OCA2: variants seen among roughly 807,000 people sequenced by gnomAD.
The protein encoded by OCA2 is P protein.
Under a neutral mutation model 100.2 loss-of-function variants are expected in OCA2, and 77 were observed. The observed-to-expected ratio is 0.77, with a 90% confidence interval of 0.64 to 0.93. OCA2 has a LOEUF of 0.93. OCA2 is among the 40% of genes least tolerant of loss of function. The pLI, the probability that OCA2 is intolerant of heterozygous loss-of-function variation, is 0.00. For synonymous variants in OCA2, 432 were observed against 439.2 expected, an observed-to-expected ratio of 0.98 and a Z score of 0.21; for missense variants, 1,062 against 1,089.1, an observed-to-expected ratio of 0.98 and a Z score of 0.35.
At chr15:27,955,059 G>C (rs2040173578) in intron 17 of OCA2, 99 bp downstream of exon 17, 1 of 889,730 alleles carries the variant, frequency 1.1e-6, no homozygotes, top group Non-Finnish European at 1.9e-6. Flanking sequence ...GAAATAAAAA[G>C]AGAAACGGCA....
rs182702698 is a variant in OCA2 at position 27,896,972 on chromosome 15, C to T, written c.2080-25050G>A. The stretch of plus-strand genomic sequence containing the variant: ...CTGGGGGGCCGAGGTGGGCGGATTA[C>T]GAGGTCAGGAGATCCAGATCATCCT... On this transcript the variant is annotated intron_variant, in intron 19 of 23. Coordinates refer to ENST00000354638, the MANE Select transcript of OCA2 (RefSeq NM_000275.3). Among the ~76,000 whole-genome samples the T allele has an allele frequency of 8.3e-4, 127 of 152,160 alleles. 1 individual carries two copies. Among genetic ancestry groups the T allele is most frequent in the African/African-American group, 2.8e-3 (117 of 41,518 alleles).
intron 16 of OCA2, among the ~76,000 whole-genome samples, chr15:27,956,275 G>A (rs977551186): frequency 2.0e-5 from 3 of 152,164 alleles, no homozygotes; most frequent in Admixed American, 2.0e-4. Context: ...CTTGAACCCA[G>A]GAGGCAGAGG....
At chr15:27,989,877 TA>T (rs1198800435) in intron 10 of OCA2, among the ~76,000 whole-genome samples, 2 of 152,162 alleles carry the variant, frequency 1.3e-5, no homozygotes, top group Non-Finnish European at 2.9e-5. Context: ...ATGCATTTAG[TA>T]ATAAAGTTTT....
chr15:27,810,486 C>A (rs2034032538), intron 23 of OCA2, among the ~76,000 whole-genome samples: 3 of 152,030 alleles, frequency 2.0e-5, no homozygotes, highest in African/African-American at 7.2e-5. Context: ...GCAAATGTGA[C>A]AAAAATGAAA....
At chr15:28,065,609 G>T (rs994826835) in intron 2 of OCA2, among the ~76,000 whole-genome samples, 3 of 152,042 alleles carry the variant, frequency 2.0e-5, no homozygotes, top group Non-Finnish European at 4.4e-5. Context: ...GTTTCTGGGG[G>T]TCGAATAAGA....
chr15:27,980,776 A>G lies in OCA2; in HGVS notation c.1503+2569T>C, dbSNP rs549561842. On this transcript the variant is annotated intron_variant, in intron 14 of 23. Transcript: ENST00000354638. ...CTTTATCTCTGTTTCCTCGCCTGTA[A>G]CATGTCTTTTTCTTTGGAAACTAAG... 3.3e-3 allele frequency among the ~76,000 whole-genome samples: 505 copies of G among 152,300 alleles called. 5 individuals carry two copies. Among genetic ancestry groups the G allele is most frequent in the African/African-American group, 0.012 (483 of 41,558 alleles).
chr15:27,772,739 G>A (rs1221266352), intron 23 of OCA2, among the ~76,000 whole-genome samples: 1 of 151,862 alleles, frequency 6.6e-6, no homozygotes, highest in Non-Finnish European at 1.5e-5. Flanking sequence ...TCCTTGGGAG[G>A]CTGAGGCAGG....
At chr15:27,967,954 T>G (rs1407048025) in intron 14 of OCA2, among the ~76,000 whole-genome samples, 2 of 151,652 alleles carry the variant, frequency 1.3e-5, no homozygotes, top group Non-Finnish European at 2.9e-5. Context: ...GTTCTTTCAC[T>G]GACGTCCTGG....
chr15:28,089,013 A>C (rs919545403), intron 1 of OCA2, among the ~76,000 whole-genome samples: 36 of 152,174 alleles, frequency 2.4e-4, no homozygotes, highest in African/African-American at 8.0e-4. Flanking sequence ...GACGTCCCCA[A>C]AGTGGCCATT....
chr15:27,780,591 C>T (rs552863634), intron 23 of OCA2, among the ~76,000 whole-genome samples: 17 of 152,240 alleles, frequency 1.1e-4, no homozygotes, highest in Non-Finnish European at 2.4e-4. Flanking sequence ...TTGAGAACAC[C>T]GACTAAAGAG....
chr15:27,721,962 C>A, the OCA2 span, among the ~76,000 whole-genome samples: 2 of 152,196 alleles, frequency 1.3e-5, no homozygotes. Context: ...ACTGATATTT[C>A]TTCTAAAATT....
At chr15:27,983,753 G>T (rs2041249863) in intron 13 of OCA2, among the ~76,000 whole-genome samples, 1 of 151,922 alleles carries the variant, frequency 6.6e-6, no homozygotes, top group Non-Finnish European at 1.5e-5. Context: ...AATGCTCCCA[G>T]GTCTGGAGGG....
intron 19 of OCA2, among the ~76,000 whole-genome samples, chr15:27,875,677 T>C (rs2036761573): frequency 6.6e-6 from 1 of 152,126 alleles, no homozygotes; most frequent in Non-Finnish European, 1.5e-5. Flanking sequence ...TTAGATCTTT[T>C]ACAAAAATTT....
intron 2 of OCA2, among the ~76,000 whole-genome samples, chr15:28,073,926 G>C (rs1438784922): frequency 3.3e-5 from 5 of 152,034 alleles, no homozygotes; most frequent in African/African-American, 1.2e-4. Flanking sequence ...CGGAATCTGA[G>C]ATTACGATGG....
chr15:27,775,119 TAAG>T (rs2032130824), intron 23 of OCA2, among the ~76,000 whole-genome samples: 1 of 151,474 alleles, frequency 6.6e-6, no homozygotes, highest in Admixed American at 6.6e-5. Flanking sequence ...TGTTTGTTAA[TAAG>T]AAGCTGGGCC....
At chr15:27,856,701 A>AAC (rs34330347) in intron 21 of OCA2, among the ~76,000 whole-genome samples, 6,021 of 145,748 alleles carry the variant, frequency 0.041, 118 homozygotes, top group African/African-American at 0.057. Context: ...ACACACCCCT[A>AAC]ACACACACAC....
chr15:27,728,534 C>T, the OCA2 span, among the ~76,000 whole-genome samples: 7 of 152,170 alleles, frequency 4.6e-5, no homozygotes, highest in Non-Finnish European at 7.3e-5. Flanking sequence ...ACTGTTCCTG[C>T]TGATATGAAA....
At chr15:27,901,162 T>C (rs1189031129) in intron 19 of OCA2, among the ~76,000 whole-genome samples, 1 of 152,262 alleles carries the variant, frequency 6.6e-6, no homozygotes, top group Non-Finnish European at 1.5e-5. Flanking sequence ...TGGGATATTG[T>C]ACAGCTCTTG....
At chr15:28,038,694 A>G (rs909689890) in intron 2 of OCA2, among the ~76,000 whole-genome samples, 33 of 152,404 alleles carry the variant, frequency 2.2e-4, no homozygotes, top group African/African-American at 7.2e-4. Flanking sequence ...ATGCATGCTC[A>G]GAAAACATCT....
Sources: allele counts gnomAD v4.1 joint callset (sites outside exome capture counted in the v4.1 genomes callset), GRCh38; gene constraint gnomAD v4.1.1; transcripts MANE v1.5; gene names NCBI Gene and HGNC (gene_info 2026-07-23, HGNC 2026-07-21).